The following MPRIP variants were observed in gnomAD, a reference collection of about 807,000 sequenced individuals.
The protein encoded by MPRIP is myosin phosphatase Rho-interacting protein.
In MPRIP, 59 loss-of-function variants were observed where a neutral mutation model predicts 234.9. The ratio of observed to expected loss-of-function variants is 0.25; its 90% CI spans 0.20 to 0.31. The LOEUF (loss-of-function observed/expected upper bound fraction) is 0.31. MPRIP is among the 10% of genes least tolerant of loss of function. The pLI, the probability that MPRIP is intolerant of heterozygous loss-of-function variation, is 1.00. For synonymous variants in MPRIP, 1,144 were observed against 1,263.9 expected (o/e 0.91, Z 2.01); for missense variants, 2,436 against 3,071.0 (o/e 0.79, Z 4.89).
intron 3 of MPRIP, among the ~76,000 whole-genome samples, chr17:17,125,203 G>C (rs2090468015): frequency 6.6e-6 from 1 of 152,254 alleles, no homozygotes; most frequent in Non-Finnish European, 1.5e-5. Context: ...AGCTGGGCTT[G>C]AATGTGGCTC....
chr17:17,146,818 A>C (rs948137589), intron 10 of MPRIP, among the ~76,000 whole-genome samples: 3 of 152,250 alleles, frequency 2.0e-5, no homozygotes, highest in African/African-American at 4.8e-5. Flanking sequence ...TTGGCCTGGC[A>C]TGAAGACTCA....
At chr17:17,114,257 T>C (rs964367255) in intron 3 of MPRIP, among the ~76,000 whole-genome samples, 2 of 152,196 alleles carry the variant, frequency 1.3e-5, no homozygotes, top group Non-Finnish European at 2.9e-5. Context: ...ACATCCTTTG[T>C]CTATTTTTAA....
chr17:17,056,220 A>G (rs937097906), intron 1 of MPRIP, among the ~76,000 whole-genome samples: 2 of 151,960 alleles, frequency 1.3e-5, no homozygotes, highest in African/African-American at 4.8e-5. Flanking sequence ...CTTCTGTCCT[A>G]CCTGTTTCTG....
In MPRIP at chr17:17,150,165, A is replaced by G. The variant is rs757420404; in HGVS notation, c.1651A>G (p.Ile551Val). 3.1e-6 allele frequency: 5 copies of G among 1,613,670 alleles called. No homozygotes were observed. The African/African-American group carries it at 4.0e-5, about 13-fold the overall frequency. ...AEEAADLDGE[I>V]DLSACYDVTE... is the part of the protein sequence containing the mutation. ...GCAGGCAGCCGACTTGGATGGAGAA[A>G]TTGACTTGTCCGCATGTTACGATGT... The change falls in exon 12 of 24, where the codon ATT becomes GTT. Residue 551 changes from isoleucine to valine, a missense_variant. This residue lies in a region of MPRIP where 1,998 missense variants were observed against 2,520.3 expected (regional missense o/e 0.79). Transcript: ENST00000651222.
chr17:17,168,587 T>C (rs914492004), intron 16 of MPRIP: 56 of 342,842 alleles, frequency 1.6e-4, no homozygotes, highest in African/African-American at 1.2e-3. Context: ...AAAGGCGAAA[T>C]GCCAGGCCCT....
chr17:17,089,404 C>T (rs988939487), intron 3 of MPRIP, among the ~76,000 whole-genome samples: 4 of 152,214 alleles, frequency 2.6e-5, no homozygotes, highest in Admixed American at 6.5e-5. Context: ...ATCACATTTC[C>T]TTATCCTCTT....
chr17:17,136,533 C>T (rs2090703999), intron 6 of MPRIP, 83 bp downstream of exon 6: 30 of 1,340,354 alleles, frequency 2.2e-5, no homozygotes, highest in Non-Finnish European at 2.9e-5. Context: ...CAGCCAAGGC[C>T]TGTAGAGCCC....
intron 3 of MPRIP, among the ~76,000 whole-genome samples, chr17:17,088,465 C>CA (rs913113983): frequency 2.0e-5 from 3 of 152,040 alleles, no homozygotes; most frequent in Admixed American, 6.5e-5. Context: ...AAAGAAGTGT[C>CA]AAAAAAAGTC....
chr17:17,083,795 G>A (rs940955441), intron 3 of MPRIP, among the ~76,000 whole-genome samples: 9 of 152,176 alleles, frequency 5.9e-5, no homozygotes, highest in Admixed American at 1.3e-4. Flanking sequence ...CCAGGCTGGA[G>A]TGCAGTGGCG....
intron 1 of MPRIP, among the ~76,000 whole-genome samples, chr17:17,068,553 C>T (rs1341563156): frequency 2.7e-5 from 4 of 149,162 alleles, no homozygotes; most frequent in Non-Finnish European, 5.9e-5. Flanking sequence ...CTTTTTGAGA[C>T]GAAGTCTCAC....
intron 5 of MPRIP, among the ~76,000 whole-genome samples, chr17:17,133,168 A>T (rs1346959608): frequency 6.6e-6 from 1 of 152,152 alleles, no homozygotes; most frequent in Non-Finnish European, 1.5e-5. Flanking sequence ...CAGGGTGGGT[A>T]GGTTACCCAC....
chr17:17,117,133 C>T (rs1257072147), intron 3 of MPRIP, among the ~76,000 whole-genome samples: 1 of 152,222 alleles, frequency 6.6e-6, no homozygotes, highest in Non-Finnish European at 1.5e-5. Context: ...TGTCCTCCCT[C>T]CTTCCCAAAC....
In MPRIP at chr17:17,146,111, C is replaced by T. The variant is rs1241113502; in HGVS notation, c.1560+19C>T. ...CGGCCAGGTGAGTGTGCAGGGTTGC[C>T]GTGGCCCCTGAGGGATCTGGGGACA... On this transcript the variant is annotated intron_variant, in intron 10 of 23. Transcript: ENST00000651222. 11 of 1,612,674 alleles carry T rather than the reference C, an allele frequency of 6.8e-6. No homozygotes were observed. The highest frequency in any genetic ancestry group is 5.5e-5 in the South Asian group (5 of 90,904).
At chr17:17,054,434 A>G (rs145567957) in intron 1 of MPRIP, among the ~76,000 whole-genome samples, 2,458 of 152,278 alleles carry the variant, frequency 0.016, 42 homozygotes, top group Admixed American at 0.026. Flanking sequence ...TGCTTATTCC[A>G]GTTCAATGTC....
At chr17:17,118,237 C>G (rs2090322554) in intron 3 of MPRIP, among the ~76,000 whole-genome samples, 1 of 152,252 alleles carries the variant, frequency 6.6e-6, no homozygotes, top group Non-Finnish European at 1.5e-5. Flanking sequence ...TTCTAGGAGC[C>G]TGATCTAACA....
intron 3 of MPRIP, among the ~76,000 whole-genome samples, chr17:17,102,148 A>C (rs1012031745): frequency 2.0e-5 from 3 of 151,912 alleles, no homozygotes; most frequent in African/African-American, 7.3e-5. Flanking sequence ...TCGGCCTCCC[A>C]AAACGCTGGA....
intron 5 of MPRIP, among the ~76,000 whole-genome samples, chr17:17,134,577 C>T (rs1348866074): frequency 1.3e-5 from 2 of 152,204 alleles, no homozygotes; most frequent in Admixed American, 6.5e-5. Context: ...GTCAGGTGTG[C>T]GTCCTGGGTC....
intron 3 of MPRIP, among the ~76,000 whole-genome samples, chr17:17,088,008 C>T (rs565563770): frequency 6.6e-6 from 1 of 152,324 alleles, no homozygotes; most frequent in East Asian, 1.9e-4. Flanking sequence ...ATGAGATACC[C>T]ACATTCTCTC....
chr17:17,164,995 TGAG>T lies in MPRIP; in HGVS notation c.3408_3410del (p.Arg1138del), dbSNP rs1254331971. 1.5e-6 allele frequency: 2 copies of T among 1,302,018 alleles called. No homozygotes were observed. The highest frequency in any genetic ancestry group is 2.0e-6 in the Non-Finnish European group (2 of 988,790). 80.7% of individuals were successfully genotyped at this position (1,302,018 alleles called of 1,614,324 possible). ...GATGTGGCTGAGCTCCGGGAAAAGC[TGAG>T]GAGAAGAGAGGCTGACAACCAGAGC... On this transcript the variant is annotated inframe_deletion, in exon 16 of 24. Transcript: ENST00000651222.
Sources: allele counts gnomAD v4.1 joint callset (sites outside exome capture counted in the v4.1 genomes callset), GRCh38; gene constraint gnomAD v4.1.1; regional missense constraint gnomAD v4.1.1; transcripts MANE v1.5; gene names NCBI Gene and HGNC (gene_info 2026-07-23, HGNC 2026-07-21).